Variants in CSNK1G1 observed in about 807,000 individuals in gnomAD.
The protein encoded by CSNK1G1 is casein kinase I isoform gamma-1.
Under a neutral mutation model 59.6 loss-of-function variants are expected in CSNK1G1, and 22 were observed. The observed-to-expected ratio is 0.37, with a 90% CI of 0.26 to 0.53. CSNK1G1 has a LOEUF of 0.53. CSNK1G1 is among the 20% of genes least tolerant of loss of function. The pLI is 0.89. For synonymous variants in CSNK1G1, 179 were observed against 177.1 expected (o/e 1.01, Z -0.08); for missense variants, 384 against 519.5 (o/e 0.74, Z 2.54).
At chr15:64,263,886 C>G (rs1394589832) in intron 2 of CSNK1G1, among the ~76,000 whole-genome samples, 1 of 148,244 alleles carries the variant, frequency 6.7e-6, no homozygotes, top group Non-Finnish European at 1.5e-5. Flanking sequence ...TAAGACTAAG[C>G]CAGCACCCAA....
In CSNK1G1 at chr15:64,343,289, C is replaced by T. The variant is rs74019239; in HGVS notation, c.-225+12699G>A. Reference sequence around the variant, plus strand: ...TCTGTAGGCTTATTTCTCCTTCCTCCCCACCTAGCACACACTGCTTTGACT... The same window carrying T: ...TCTGTAGGCTTATTTCTCCTTCCTCTCCACCTAGCACACACTGCTTTGACT... On this transcript the variant is annotated intron_variant, in intron 1 of 11. Transcript: ENST00000303052. 3.1e-3 allele frequency among the ~76,000 whole-genome samples: 463 copies of T among 151,206 alleles called. 4 individuals carry two copies. Among genetic ancestry groups the T allele is most frequent in the African/African-American group, 0.011 (438 of 41,248 alleles).
intron 4 of CSNK1G1, among the ~76,000 whole-genome samples, chr15:64,246,947 T>C (rs1026408905): frequency 1.3e-5 from 2 of 152,140 alleles, no homozygotes; most frequent in African/African-American, 4.8e-5. Flanking sequence ...TGGTTCTGGC[T>C]TATTCATCTT....
intron 1 of CSNK1G1, among the ~76,000 whole-genome samples, chr15:64,346,788 G>C (rs528289375): frequency 6.6e-6 from 1 of 152,108 alleles, no homozygotes; most frequent in African/African-American, 2.4e-5. Flanking sequence ...AACACTAAAA[G>C]CATTATCAAT....
At chr15:64,197,280 G>C (rs2082050629) in intron 10 of CSNK1G1, among the ~76,000 whole-genome samples, 2 of 152,194 alleles carry the variant, frequency 1.3e-5, no homozygotes, top group Admixed American at 1.3e-4. Context: ...AGAATAAGGA[G>C]ACTCTTTAGG....
intron 2 of CSNK1G1, among the ~76,000 whole-genome samples, chr15:64,290,958 T>C (rs1365950041): frequency 6.6e-6 from 1 of 152,044 alleles, no homozygotes; most frequent in Admixed American, 6.5e-5. Context: ...AGATGATCTG[T>C]CTGCTTTGGC....
At chr15:64,174,312 G>A (rs1051550696) in intron 11 of CSNK1G1, among the ~76,000 whole-genome samples, 7 of 152,240 alleles carry the variant, frequency 4.6e-5, no homozygotes, top group Non-Finnish European at 7.3e-5. Context: ...GTTCAAAGGA[G>A]TTGGAATATT....
intron 4 of CSNK1G1, among the ~76,000 whole-genome samples, chr15:64,248,725 C>A (rs1243444468): frequency 1.3e-5 from 2 of 152,226 alleles, no homozygotes; most frequent in Non-Finnish European, 2.9e-5. Flanking sequence ...CGGCTCACAT[C>A]TGTAATCCCA....
intron 1 of CSNK1G1, among the ~76,000 whole-genome samples, chr15:64,324,161 T>C (rs747626101): frequency 6.6e-6 from 1 of 152,228 alleles, no homozygotes; most frequent in Non-Finnish European, 1.5e-5. Flanking sequence ...TATGTATTTA[T>C]AAACACTACA....
intron 2 of CSNK1G1, among the ~76,000 whole-genome samples, chr15:64,274,077 T>TACATC (rs1893472726): frequency 6.6e-6 from 1 of 152,228 alleles, no homozygotes; most frequent in African/African-American, 2.4e-5. Flanking sequence ...TAGTGGCTGA[T>TACATC]ACATCACAAA....
chr15:64,337,155 G>A (rs1398737855), intron 1 of CSNK1G1, among the ~76,000 whole-genome samples: 2 of 152,168 alleles, frequency 1.3e-5, no homozygotes, highest in African/African-American at 2.4e-5. Flanking sequence ...TTGAACCTGG[G>A]AGGTGGAGGT....
Position 64,167,948 on chromosome 15 carries a change from T to G in CSNK1G1, c.*3983A>C, listed in dbSNP as rs1016522415. On this transcript the variant is annotated 3_prime_UTR_variant, in exon 12 of 12. Transcript: ENST00000303052. The stretch of plus-strand genomic sequence containing the variant: ...AACCACTTTGACGTTACATTATCAT[T>G]GTTACATATTTCTGGCATTAAAAGT... 6.6e-6 allele frequency: 1 copy of G among 152,256 alleles called. No individual in the cohort carries two copies. The highest frequency in any genetic ancestry group is 2.4e-5 in the African/African-American group (1 of 41,464). 9.4% of individuals were successfully genotyped at this position (152,256 alleles called of 1,614,324 possible). A position where few individuals can be genotyped will look rare whatever the true frequency, so the allele number is the denominator to read the frequency against.
intron 1 of CSNK1G1, among the ~76,000 whole-genome samples, chr15:64,321,601 G>C (rs988442722): frequency 6.6e-6 from 1 of 152,162 alleles, no homozygotes; most frequent in Non-Finnish European, 1.5e-5. Flanking sequence ...ATAATATAAA[G>C]AGAAATGGCC....
chr15:64,197,901 G>A (rs1025508903), intron 10 of CSNK1G1, among the ~76,000 whole-genome samples: 1 of 151,916 alleles, frequency 6.6e-6, no homozygotes, highest in South Asian at 2.1e-4. Flanking sequence ...ATATATTTTA[G>A]AAAACTGAAC....
At chr15:64,308,316 C>A (rs967945014) in intron 1 of CSNK1G1, among the ~76,000 whole-genome samples, 14 of 152,132 alleles carry the variant, frequency 9.2e-5, no homozygotes, top group Non-Finnish European at 1.8e-4. Flanking sequence ...CCAGGTTGGT[C>A]TCAAACTCCT....
chr15:64,281,924 GTTTT>G (rs753555945), intron 2 of CSNK1G1, among the ~76,000 whole-genome samples: 3 of 142,994 alleles, frequency 2.1e-5, no homozygotes, highest in Non-Finnish European at 3.1e-5. Context: ...ATTTTATGGA[GTTTT>G]TTTTTTTTTT....
intron 10 of CSNK1G1, chr15:64,189,500 G>A: frequency 8.2e-7 from 1 of 1,220,200 alleles, no homozygotes; most frequent in Non-Finnish European, 1.1e-6. Context: ...TGAAAAATGA[G>A]TAGTTGGAGA....
chr15:64,213,869 A>G lies in CSNK1G1; in HGVS notation c.679+21T>C, dbSNP rs754980599. The G allele has an allele frequency of 2.9e-5, 44 of 1,512,968 alleles. 2 individuals carry two copies. The South Asian group carries it at 4.5e-4, about 16-fold the overall frequency. 93.7% of individuals were successfully genotyped at this position (1,512,968 alleles called of 1,614,324 possible). On this transcript the variant is annotated intron_variant, in intron 6 of 11. Transcript: ENST00000303052. ...ACTGTTCTAATGACTCGCCCCTTTC[A>G]TGGAACAGAAAAAAACACACCTTTG...
At chr15:64,288,337 C>T (rs1417945566) in intron 2 of CSNK1G1, among the ~76,000 whole-genome samples, 2 of 151,818 alleles carry the variant, frequency 1.3e-5, no homozygotes, top group African/African-American at 2.4e-5. Flanking sequence ...AAGGTATGTA[C>T]GTCATTAGGG....
At chr15:64,298,884 A>AG (rs1895165078) in intron 2 of CSNK1G1, among the ~76,000 whole-genome samples, 1 of 151,940 alleles carries the variant, frequency 6.6e-6, no homozygotes, top group Admixed American at 6.6e-5. Flanking sequence ...ACAAAAAAAA[A>AG]AAAAATAAGC....
Sources: gnomAD v4.1 joint callset for allele counts (sites outside exome capture counted in the v4.1 genomes callset) on GRCh38, gnomAD v4.1.1 for gene constraint, MANE v1.5 for transcripts, NCBI Gene and HGNC (gene_info 2026-07-23, HGNC 2026-07-21) for gene names.